SPG11: variants seen among roughly 807,000 people sequenced by gnomAD.
The protein encoded by SPG11 is SPG11 vesicle trafficking associated, spatacsin.
In SPG11, 222 loss-of-function variants were observed where a neutral mutation model predicts 274.0. That is an observed-to-expected ratio of 0.81 (90% CI 0.73 to 0.91). SPG11 has a LOEUF of 0.91. SPG11 is among the 40% of genes least tolerant of loss of function. The pLI is 0.00. For missense variants in SPG11, 3,114 were observed against 2,872.7 expected (o/e 1.08, Z -1.92); for synonymous variants, 1,144 against 1,039.7 (o/e 1.10, Z -1.93).
Position 44,573,120 on chromosome 15 carries a change from G to A in SPG11, c.6206-300C>T, listed in dbSNP as rs553927677. Among the ~76,000 whole-genome samples, 8 of 151,210 alleles carry A rather than the reference G, an allele frequency of 5.3e-5. No individual in the cohort carries two copies. In the East Asian group the frequency reaches 9.8e-4, roughly 18 times the overall value. ...TCCTGCCTCAGCCTCCTGAGTAGCT[G>A]GGACTACAGGTGCCCGCCAACACGC... On this transcript the variant is annotated intron_variant, in intron 32 of 39. Transcript: ENST00000261866.
At chr15:44,595,149 T>A in intron 26 of SPG11, 110 bp downstream of exon 26, 1 of 1,048,852 alleles carries the variant, frequency 9.5e-7, no homozygotes, top group South Asian at 1.4e-5. Flanking sequence ...ATCATCATTA[T>A]CTGTTGTTGG....
chr15:44,568,142 T>A (rs2082347083), intron 35 of SPG11, among the ~76,000 whole-genome samples: 1 of 152,222 alleles, frequency 6.6e-6, no homozygotes, highest in Non-Finnish European at 1.5e-5. Context: ...AAAGAAGGCC[T>A]ATACCAAATT....
intron 7 of SPG11, among the ~76,000 whole-genome samples, chr15:44,641,735 A>G (rs2141079954): frequency 6.6e-6 from 1 of 152,054 alleles, no homozygotes; most frequent in South Asian, 2.1e-4. Context: ...ACATGCAACA[A>G]TGAGAAACCA....
intron 19 of SPG11, among the ~76,000 whole-genome samples, chr15:44,606,778 AAAG>A (rs1567158094): frequency 6.6e-6 from 1 of 152,232 alleles, no homozygotes; most frequent in Non-Finnish European, 1.5e-5. Flanking sequence ...GTGATCTATT[AAAG>A]AAGGAATACT....
intron 6 of SPG11, among the ~76,000 whole-genome samples, chr15:44,649,337 TAC>T (rs2084696250): frequency 6.6e-6 from 1 of 152,142 alleles, no homozygotes; most frequent in Non-Finnish European, 1.5e-5. Flanking sequence ...TTGCTGGAAT[TAC>T]AGTTTCATGC....
At position 44,584,002 on chromosome 15, in the gene SPG11, T is replaced by G. The variant is rs138670407; in HGVS notation, c.5678A>C (p.Glu1893Ala). The change falls in exon 30 of 40, where the codon GAA (glutamate) becomes GCA (alanine). Residue 1893 changes from glutamate (E) to alanine (A), a missense_variant. Physicochemically the swap from Glu to Ala is moderately radical, Grantham distance 107. Coordinates refer to ENST00000261866, the MANE Select transcript of SPG11 (RefSeq NM_025137.4). ...GRLLDDGCVH[E>A]ASRVCRYFHF... ...AAAATACCGGCATACTCTACTTGCT[T>G]CATGCACACAGCCATCATCCAGTAG... is the stretch of plus-strand genomic sequence containing the variant. 1 of 1,614,128 alleles carries G rather than the reference T, an allele frequency of 6.2e-7. No homozygotes were observed. The highest frequency in any genetic ancestry group is 8.5e-7 in the Non-Finnish European group (1 of 1,180,052).
chr15:44,571,419 A>G (rs560701844), intron 33 of SPG11, among the ~76,000 whole-genome samples: 4 of 152,318 alleles, frequency 2.6e-5, no homozygotes, highest in African/African-American at 9.6e-5. Flanking sequence ...TGTCTGGCAC[A>G]AAGTTGGCAC....
Position 44,587,707 on chromosome 15 carries a change from A to C in SPG11, c.4906+1545T>G, listed in dbSNP as rs930793459. ...CCAGACTGTCTCAAAAAAAAAAAAA[A>C]AAAAAAAAAAAAACGTATTCCTGTT... On this transcript the variant is annotated intron_variant, in intron 28 of 39. Transcript: ENST00000261866. Among the ~76,000 whole-genome samples the C allele has an allele frequency of 2.6e-4, 39 of 150,778 alleles. 1 individual carries two copies. The highest frequency in any genetic ancestry group is 6.2e-4 in the South Asian group (3 of 4,806).
intron 32 of SPG11, chr15:44,573,339 A>T (rs2082463626): frequency 1.5e-6 from 1 of 646,436 alleles, no homozygotes; most frequent in African/African-American, 1.8e-5. Context: ...ATCATAAAAC[A>T]ATAAAAAGCA....
rs561290046 is a variant in SPG11 at position 44,638,845 on chromosome 15, A to C, written c.1603-5208T>G. On this transcript the variant is annotated intron_variant, in intron 7 of 39. Coordinates refer to ENST00000261866, the MANE Select transcript of SPG11 (RefSeq NM_025137.4). Reference sequence around the variant, plus strand: ...ACCCCACCTCTATTAAAAATACAAAAATCAGTTGGGCGTGGGGGTGCATGC... The same window carrying C: ...ACCCCACCTCTATTAAAAATACAAACATCAGTTGGGCGTGGGGGTGCATGC... Among the ~76,000 whole-genome samples, 157 of 152,096 alleles carry C rather than the reference A, an allele frequency of 1.0e-3. 1 individual carries two copies. The South Asian group carries it at 0.019, about 19-fold the overall frequency.
At position 44,648,821 on chromosome 15, in the gene SPG11, A is replaced by G. The variant is rs762744689; in HGVS notation, c.1602+45T>C. The G allele has an allele frequency of 3.8e-6, 6 of 1,596,412 alleles. No individual in the cohort carries two copies. In the African/African-American group the frequency reaches 6.7e-5, roughly 18 times the overall value. On this transcript the variant is annotated intron_variant, in intron 7 of 39. Coordinates refer to ENST00000261866, the MANE Select transcript of SPG11 (RefSeq NM_025137.4). The stretch of plus-strand genomic sequence containing the variant: ...ATCCTAAATCGAATAAAAGTATATA[A>G]CACAAAATAATTAAGTAATGTTCTT...
chr15:44,619,072 T>C (rs890246611), intron 15 of SPG11, among the ~76,000 whole-genome samples: 4 of 152,172 alleles, frequency 2.6e-5, no homozygotes, highest in African/African-American at 9.7e-5. Context: ...TATTTACTAG[T>C]AGTAAACAAG....
chr15:44,663,328 G>A, intron 1 of SPG11, 63 bp downstream of exon 1: 1 of 1,565,688 alleles, frequency 6.4e-7, no homozygotes, highest in Non-Finnish European at 8.7e-7. Flanking sequence ...AGCCCTTGGG[G>A]CTCAGTCAGC....
chr15:44,663,487 A>G lies in SPG11; in HGVS notation c.161T>C (p.Leu54Pro), dbSNP rs749027947. 1.9e-6 allele frequency: 3 copies of G among 1,593,166 alleles called. No individual in the cohort carries two copies. The highest frequency in any genetic ancestry group is 2.6e-6 in the Non-Finnish European group (3 of 1,170,714). The change falls in exon 1 of 40, where the codon CTG becomes CCG. Residue 54 changes from leucine (L) to proline (P), a missense_variant. By Grantham distance (98) the Leu-to-Pro change is moderately conservative (BLOSUM62 -3). Coordinates refer to ENST00000261866, the MANE Select transcript of SPG11 (RefSeq NM_025137.4). ...GCTGCCCGCAGCCGTCAGGCTCCCCAGAGCCTCCGGCTGTGTGCGCAGCTG... is the reference window on the plus strand; with the variant it reads ...GCTGCCCGCAGCCGTCAGGCTCCCCGGAGCCTCCGGCTGTGTGCGCAGCTG... ...RAQLRTQPEA[L>P]GSLTAAGSLQ...
At chr15:44,650,836 C>T (rs1307606826) in intron 6 of SPG11, among the ~76,000 whole-genome samples, 2 of 152,056 alleles carry the variant, frequency 1.3e-5, no homozygotes, top group African/African-American at 2.4e-5. Flanking sequence ...CAACCTCCGC[C>T]TCCCAGGTTC....
At chr15:44,627,077 G>A (rs1052580967) in intron 10 of SPG11, among the ~76,000 whole-genome samples, 6 of 152,152 alleles carry the variant, frequency 3.9e-5, no homozygotes, top group African/African-American at 1.4e-4. Flanking sequence ...CCTTGCGTTT[G>A]AGGTAGATTT....
chr15:44,627,351 G>A (rs2083930258), intron 10 of SPG11, among the ~76,000 whole-genome samples: 1 of 152,098 alleles, frequency 6.6e-6, no homozygotes, highest in Non-Finnish European at 1.5e-5. Context: ...ACCCCATTAA[G>A]CCATGTATAA....
chr15:44,620,529 A>G, intron 14 of SPG11, 126 bp from the exon 15 acceptor site: 1 of 747,792 alleles, frequency 1.3e-6, no homozygotes, highest in Non-Finnish European at 2.1e-6. Flanking sequence ...TTAATTATTC[A>G]GGTCCTCTGT....
chr15:44,610,930 G>T lies in SPG11; in HGVS notation c.3201C>A (p.Thr1067=), dbSNP rs1316737273. The change falls in exon 18 of 40, where the codon ACC becomes ACA. Residue 1067 remains threonine (T), a synonymous_variant. Transcript: ENST00000261866. ...GCATACTGCTTACACTGGCCTGATTGGTGGGAATCAAAATCTGAGCATTTG... is the reference window on the plus strand; with the variant it reads ...GCATACTGCTTACACTGGCCTGATTTGTGGGAATCAAAATCTGAGCATTTG... ...SLANAQILIP[T]NQASVSSMLL... The T allele has an allele frequency of 6.2e-7, 1 of 1,613,884 alleles. No individual in the cohort carries two copies.
Sources: gnomAD v4.1 joint callset for allele counts (sites outside exome capture counted in the v4.1 genomes callset) on GRCh38, gnomAD v4.1.1 for gene constraint, MANE v1.5 for transcripts, NCBI Gene and HGNC (gene_info 2026-07-23, HGNC 2026-07-21) for gene names.